CACNA1D: variants seen among roughly 807,000 people sequenced by gnomAD.
CACNA1D encodes the protein calcium voltage-gated channel subunit alpha1 D, also known as voltage-dependent L-type calcium channel subunit alpha-1D.
Under a neutral mutation model 257.1 loss-of-function variants are expected in CACNA1D, and 55 were observed. The ratio of observed to expected loss-of-function variants is 0.21; its 90% CI spans 0.17 to 0.27. The LOEUF (loss-of-function observed/expected upper bound fraction) is 0.27, where lower values mean the gene tolerates loss of function less well. Among genes scored for constraint, CACNA1D ranks in the 10% least tolerant of loss-of-function variants. CACNA1D has a pLI of 1.00. For synonymous variants in CACNA1D, 980 were observed against 1,014.9 expected, an observed-to-expected ratio of 0.97 and a Z score of 0.65; for missense variants, 1,876 against 2,784.0, an observed-to-expected ratio of 0.67 and a Z score of 7.34.
intron 9 of CACNA1D, among the ~76,000 whole-genome samples, chr3:53,703,122 A>G (rs1366226345): frequency 3.9e-5 from 6 of 152,344 alleles, no homozygotes; most frequent in Admixed American, 2.6e-4. Flanking sequence ...GGGTGATGAG[A>G]CACATATTCT....
At position 53,623,863 on chromosome 3, in the gene CACNA1D, ACT is replaced by A. The variant is rs1478904989; in HGVS notation, c.484-26911_484-26910del. The stretch of plus-strand genomic sequence containing the variant: ...TTGGAGCCGCTTTAGAATTGCTTTC[ACT>A]CTCTGTTAATTTGGAGAACAAAGAA... On this transcript the variant is annotated intron_variant, in intron 3 of 47. Transcript: ENST00000350061. Among the ~76,000 whole-genome samples the A allele has an allele frequency of 2.6e-5, 4 of 152,234 alleles. No individual in the cohort carries two copies. The South Asian group carries it at 6.2e-4, about 24-fold the overall frequency.
In CACNA1D at chr3:53,501,625, A is replaced by G. The variant is rs1428275832; in HGVS notation, c.388A>G (p.Ile130Val). ...ISIVEWKPFDIFILLAIFANC... is the reference protein window; with the variant it reads ...ISIVEWKPFDVFILLAIFANC... ...AACACATTTTTTCAGACCATTTGAC[A>G]TATTTATATTATTGGCTATTTTTGC... is the stretch of plus-strand genomic sequence containing the variant. The change falls in exon 3 of 48, where the codon ATA (isoleucine) becomes GTA (valine). Residue 130 changes from isoleucine (I) to valine (V), a missense_variant. This residue lies in a region of CACNA1D where 143 missense variants were observed against 168.7 expected (regional missense o/e 0.85). Transcript: ENST00000350061. 10 of 1,548,770 alleles carry G rather than the reference A, an allele frequency of 6.5e-6. No individual in the cohort carries two copies. The highest frequency in any genetic ancestry group is 8.9e-6 in the Non-Finnish European group (10 of 1,121,688).
At position 53,726,783 on chromosome 3, in the gene CACNA1D, A is replaced by G. The variant is rs1248895413; in HGVS notation, c.2101-96A>G. The G allele has an allele frequency of 2.0e-6, 3 of 1,494,354 alleles. No homozygotes were observed. The African/African-American group carries it at 4.1e-5, about 21-fold the overall frequency. 92.6% of individuals were successfully genotyped at this position (1,494,354 alleles called of 1,614,324 possible). ...CAGTGCAAACTGGACTGTGAAAGGCAGCTTAAACCAGATCTAGGCAGCCAC... is the reference window on the plus strand; with the variant it reads ...CAGTGCAAACTGGACTGTGAAAGGCGGCTTAAACCAGATCTAGGCAGCCAC... On this transcript the variant is annotated intron_variant, in intron 14 of 47. Coordinates refer to ENST00000350061, the MANE Select transcript of CACNA1D (RefSeq NM_001128840.3).
intron 3 of CACNA1D, among the ~76,000 whole-genome samples, chr3:53,509,175 G>A (rs914375857): frequency 6.6e-6 from 1 of 151,868 alleles, no homozygotes; most frequent in Non-Finnish European, 1.5e-5. Context: ...GTTTGGCTGG[G>A]CAGGCAAAGC....
chr3:53,668,347 G>T (rs2094289730), intron 7 of CACNA1D, among the ~76,000 whole-genome samples: 1 of 152,118 alleles, frequency 6.6e-6, no homozygotes, highest in South Asian at 2.1e-4. Context: ...AAAGGAGAGG[G>T]AACTTCAGGC....
At chr3:53,632,530 A>G (rs576824867) in intron 3 of CACNA1D, among the ~76,000 whole-genome samples, 2 of 152,364 alleles carry the variant, frequency 1.3e-5, no homozygotes, top group South Asian at 4.1e-4. Flanking sequence ...TTTGCTTTGC[A>G]TTCACAACTT....
intron 3 of CACNA1D, among the ~76,000 whole-genome samples, chr3:53,523,126 A>G (rs771246589): frequency 6.6e-6 from 1 of 152,150 alleles, no homozygotes; most frequent in Non-Finnish European, 1.5e-5. Context: ...TGGGTACTTC[A>G]TTTTAGAGGC....
At chr3:53,729,314 T>C (rs2094965471) in intron 15 of CACNA1D, among the ~76,000 whole-genome samples, 1 of 152,226 alleles carries the variant, frequency 6.6e-6, no homozygotes, top group African/African-American at 2.4e-5. Flanking sequence ...CTCACAGAGA[T>C]TTCATCATCT....
At chr3:53,744,874 G>A (rs376295514) in intron 23 of CACNA1D, 47 bp downstream of exon 23, 149 of 1,076,412 alleles carry the variant, frequency 1.4e-4, no homozygotes, top group Non-Finnish European at 2.0e-4. Context: ...GTTGGGGTTG[G>A]CTGTAATTAC....
chr3:53,691,525 A>G (rs1046898401), intron 8 of CACNA1D, among the ~76,000 whole-genome samples: 2 of 150,884 alleles, frequency 1.3e-5, no homozygotes, highest in Admixed American at 1.3e-4. Flanking sequence ...AAGCATTGGC[A>G]TGTCTTTTGT....
rs181455095 is a variant in CACNA1D at position 53,760,413 on chromosome 3, T to G, written c.3787-1585T>G. ...GTACTTTTTGTTCTGGTTTTCTTAA[T>G]GCAGCACTAAATGTACCCCGTTGTA... On this transcript the variant is annotated intron_variant, in intron 29 of 47. Transcript: ENST00000350061. 4.1e-3 allele frequency among the ~76,000 whole-genome samples: 626 copies of G among 152,368 alleles called. 5 individuals carry two copies. Among genetic ancestry groups the G allele is most frequent in the Middle Eastern group, 0.034 (10 of 294 alleles).
intron 3 of CACNA1D, among the ~76,000 whole-genome samples, chr3:53,572,362 G>GTTTA (rs1451533456): frequency 0.039 from 1,769 of 45,552 alleles, 15 homozygotes; most frequent in Non-Finnish European, 0.073. Flanking sequence ...CCTCTGGTTT[G>GTTTA]TTTGTTTGTT....
At chr3:53,758,801 A>G (rs1304656500) in intron 29 of CACNA1D, among the ~76,000 whole-genome samples, 1 of 152,220 alleles carries the variant, frequency 6.6e-6, no homozygotes, top group Admixed American at 6.5e-5. Context: ...AGAACACATC[A>G]TCATAGGCCA....
In CACNA1D at chr3:53,775,949, C is replaced by A. The variant is rs773814718; in HGVS notation, c.4266C>A (p.Asp1422Glu). 6.2e-7 allele frequency: 1 copy of A among 1,614,046 alleles called. No individual in the cohort carries two copies. The highest frequency in any genetic ancestry group is 2.2e-5 in the East Asian group (1 of 44,890). Residue 1422 changes from aspartate to glutamate, a missense_variant, in exon 35 of 48, where the codon GAC becomes GAA. Coordinates refer to ENST00000350061, the MANE Select transcript of CACNA1D (RefSeq NM_001128840.3). ...CCTGTCTCCCAGGGAAGCTCTGTGA[C>A]CCTGAGTCAGATTACAACCCCGGGG... ...MLACLPGKLC[D>E]PESDYNPGEE...
chr3:53,666,761 C>T (rs1459951208), intron 7 of CACNA1D, among the ~76,000 whole-genome samples: 1 of 152,166 alleles, frequency 6.6e-6, no homozygotes, highest in Non-Finnish European at 1.5e-5. Context: ...GGCTTTAGTC[C>T]TCTACTTCCC....
intron 3 of CACNA1D, among the ~76,000 whole-genome samples, chr3:53,611,199 C>A (rs369121466): frequency 6.6e-6 from 1 of 152,088 alleles, no homozygotes; most frequent in African/African-American, 2.4e-5. Context: ...GCACAGGCAA[C>A]GTAGCAAGAC....
rs78146869 is a variant in CACNA1D at position 53,600,942 on chromosome 3, G to C, written c.484-49837G>C. 6.7e-3 allele frequency among the ~76,000 whole-genome samples: 1,015 copies of C among 152,244 alleles called. 16 individuals are homozygous for C. Among genetic ancestry groups the C allele is most frequent in the African/African-American group, 0.023 (939 of 41,532 alleles). On this transcript the variant is annotated intron_variant, in intron 3 of 47. Transcript: ENST00000350061. ...TGTGCCCACCTCCCACTCCAGCGGT[G>C]AGTCCATTGTGTTTTTCCTTTATTG... is the stretch of plus-strand genomic sequence containing the variant.
intron 3 of CACNA1D, among the ~76,000 whole-genome samples, chr3:53,560,957 G>A (rs1362131563): frequency 6.6e-6 from 1 of 152,196 alleles, no homozygotes; most frequent in African/African-American, 2.4e-5. Context: ...AATGCTTATG[G>A]ATACAACCTG....
At chr3:53,586,067 A>G (rs141052372) in intron 3 of CACNA1D, among the ~76,000 whole-genome samples, 10 of 152,242 alleles carry the variant, frequency 6.6e-5, no homozygotes, top group Admixed American at 2.0e-4. Flanking sequence ...AACTGTGTAT[A>G]GGATATGTGG....
Sources: gnomAD v4.1 joint callset for allele counts (sites outside exome capture counted in the v4.1 genomes callset) on GRCh38, gnomAD v4.1.1 for gene constraint, gnomAD v4.1.1 regional missense constraint, MANE v1.5 for transcripts, NCBI Gene and HGNC (gene_info 2026-07-23, HGNC 2026-07-21) for gene names.